REC8: variants seen among roughly 807,000 people sequenced by gnomAD.
REC8 encodes meiotic recombination protein REC8 homolog.
Under a neutral mutation model 78.3 loss-of-function variants are expected in REC8, and 42 were observed. That is an observed-to-expected ratio of 0.54 (90% CI 0.42 to 0.69). The LOEUF (loss-of-function observed/expected upper bound fraction) is 0.69. Among genes scored for constraint, REC8 ranks in the 30% least tolerant of loss-of-function variants. The probability of loss-of-function intolerance (pLI) is 0.00; values close to 1 mark genes in which losing one functional copy is unlikely to be tolerated. For missense variants in REC8, 581 were observed against 715.8 expected, an observed-to-expected ratio of 0.81 and a Z score of 2.15; for synonymous variants, 268 against 274.1, an observed-to-expected ratio of 0.98 and a Z score of 0.22.
rs376481576 is a variant in REC8, at chr14:24,175,673, G to C, written c.544+49G>C. ...TGGTGAGAGGCATAGGCAGGCCCAA[G>C]AGCTGTAGAAATGACCATTTTTGAG... On this transcript the variant is annotated intron_variant, in intron 6 of 18. Coordinates refer to ENST00000611366, the MANE Select transcript of REC8 (RefSeq NM_001048205.2). The C allele has an allele frequency of 2.9e-5, 43 of 1,475,522 alleles. No individual in the cohort carries two copies. The African/African-American group carries it at 5.4e-4, about 19-fold the overall frequency. 91.4% of individuals were successfully genotyped at this position (1,475,522 alleles called of 1,614,324 possible).
intron 14 of REC8, 60 bp from the exon 15 acceptor site, chr14:24,179,025 G>A (rs1490573818): frequency 6.2e-7 from 1 of 1,601,080 alleles, no homozygotes; most frequent in Non-Finnish European, 8.5e-7. Context: ...CTGGCCTTGT[G>A]CCTTCTGAGG....
chr14:24,179,750 T>A (rs990659547), intron 17 of REC8, 24 bp downstream of exon 17: 2 of 1,614,136 alleles, frequency 1.2e-6, no homozygotes, highest in Non-Finnish European at 1.7e-6. Context: ...GGCACCTTGA[T>A]GGGGTGGACC....
chr14:24,178,868 A>G lies in REC8; in HGVS notation c.1155A>G (p.Ala385=), dbSNP rs2039026482. 6.2e-7 allele frequency: 1 copy of G among 1,613,710 alleles called. No individual in the cohort carries two copies. ...KALRRELPEE[A]AAEEERRKIE... is the part of the protein sequence containing the mutation. ...TCAGGCGAGAGCTGCCTGAGGAGGC[A>G]GCCGCTGAGGAGGAAAGGAGAAAGA... Residue 385 remains alanine, a synonymous_variant, in exon 14 of 19, where the codon GCA becomes GCG. Coordinates refer to ENST00000611366, the MANE Select transcript of REC8 (RefSeq NM_001048205.2).
At chr14:24,180,336 G>A, downstream of REC8, 2 of 1,507,444 alleles carry the variant, frequency 1.3e-6, no homozygotes, top group Non-Finnish European at 1.8e-6. Context: ...GCTCCAAATG[G>A]GTATGAGTCT....
At chr14:24,178,005 T>C in intron 11 of REC8, 86 bp from the exon 12 acceptor site, 5 of 1,537,974 alleles carry the variant, frequency 3.3e-6, no homozygotes, top group Non-Finnish European at 3.5e-6. Flanking sequence ...TAGGGGCGGG[T>C]GTGGGGTCCT....
chr14:24,180,459 C>T (rs370925111), downstream of REC8: 147 of 1,611,950 alleles, frequency 9.1e-5, no homozygotes, highest in Middle Eastern at 3.3e-4. Flanking sequence ...AGGCCCAGTA[C>T]AGCCTGGAGC....
intron 10 of REC8, 84 bp downstream of exon 10, chr14:24,177,625 A>C: frequency 4.4e-6 from 7 of 1,575,078 alleles, no homozygotes; most frequent in Non-Finnish European, 6.0e-6. Flanking sequence ...CAACTTGCTA[A>C]AGGGAGGACC....
chr14:24,177,808 C>G (rs377654484), intron 11 of REC8, 50 bp downstream of exon 11: 60 of 1,514,772 alleles, frequency 4.0e-5, no homozygotes, highest in Non-Finnish European at 4.7e-5. Context: ...TGCCCTCCCC[C>G]ACAAGGACTG....
At chr14:24,178,245 C>G in intron 12 of REC8, 23 bp downstream of exon 12, 1 of 1,602,710 alleles carries the variant, frequency 6.2e-7, no homozygotes, top group Non-Finnish European at 8.5e-7. Context: ...CAGGCTTTGC[C>G]GGGGAAGGGA....
intron 6 of REC8, among the ~76,000 whole-genome samples, 161 bp from the exon 7 acceptor site, chr14:24,176,661 A>G (rs1171391962): frequency 6.6e-6 from 1 of 152,176 alleles, no homozygotes; most frequent in Non-Finnish European, 1.5e-5. Flanking sequence ...TGAGGCTCAC[A>G]GTGGTTAAGC....
intron 6 of REC8, 129 bp from the exon 7 acceptor site, chr14:24,176,693 C>A (rs528140990): frequency 2.0e-4 from 144 of 710,234 alleles, no homozygotes; most frequent in South Asian, 1.9e-3. Context: ...GGTCAGGATG[C>A]CAGAGATTAG....
downstream of REC8, chr14:24,180,713 G>A: frequency 6.2e-7 from 1 of 1,614,188 alleles, no homozygotes; most frequent in Non-Finnish European, 8.5e-7. Flanking sequence ...TTGTCAGCCA[G>A]AATGAGGCTG....
intron 12 of REC8, 33 bp from the exon 13 acceptor site, chr14:24,178,573 T>C (rs1566636069): frequency 5.0e-6 from 8 of 1,609,638 alleles, no homozygotes; most frequent in African/African-American, 2.7e-5. Context: ...GGCTGCTTTA[T>C]AATGGGGCTT....
Position 24,175,573 on chromosome 14 carries a change from G to A in REC8, c.493G>A (p.Glu165Lys). The change falls in exon 6 of 19, where the codon GAG (glutamate) becomes AAG (lysine). Residue 165 changes from glutamate (E) to lysine (K), a missense_variant. Coordinates refer to ENST00000611366, the MANE Select transcript of REC8 (RefSeq NM_001048205.2). ...IRHLLEAAIP[E>K]RVEEIPPEVP... is the part of the protein sequence containing the mutation. ...ACACCTCTTAGAGGCTGCAATCCCA[G>A]AGAGAGTTGAAGAGATCCCTCCTGA... The A allele has an allele frequency of 6.2e-7, 1 of 1,614,078 alleles. No homozygotes were observed.
At chr14:24,175,398 G>A (rs2038846572) in intron 5 of REC8, 145 bp from the exon 6 acceptor site, 4 of 648,260 alleles carry the variant, frequency 6.2e-6, no homozygotes, top group Non-Finnish European at 1.1e-5. Flanking sequence ...CAGAGGGCGG[G>A]TGAGTTTACT....
In REC8 at chr14:24,178,375, T is replaced by C. The variant is rs540467371; in HGVS notation, c.996+153T>C. On this transcript the variant is annotated intron_variant, in intron 12 of 18. Transcript: ENST00000611366. Reference sequence around the variant, plus strand: ...TCCATTCTCCAGAAAATGCAGGCGATGTGGGTTTGCACATATACAACTCTT... The same window carrying C: ...TCCATTCTCCAGAAAATGCAGGCGACGTGGGTTTGCACATATACAACTCTT... Among the ~76,000 whole-genome samples, 7 of 152,294 alleles carry C rather than the reference T, an allele frequency of 4.6e-5. No homozygotes were observed. In the East Asian group the frequency reaches 1.2e-3, roughly 25 times the overall value.
intron 4 of REC8, 39 bp downstream of exon 4, chr14:24,173,237 C>T: frequency 6.2e-7 from 1 of 1,614,114 alleles, no homozygotes; most frequent in Non-Finnish European, 8.5e-7. Flanking sequence ...CACCTGCTAG[C>T]TTGGCCTCAG....
chr14:24,178,158 A>G lies in REC8; in HGVS notation c.932A>G (p.Glu311Gly), dbSNP rs773044687. Residue 311 changes from glutamate (E) to glycine (G), a missense_variant, in exon 12 of 19, where the codon GAG (glutamate) becomes GGG (glycine). By Grantham distance (98) the Glu-to-Gly change is moderately conservative. Coordinates refer to ENST00000611366, the MANE Select transcript of REC8 (RefSeq NM_001048205.2). The stretch of plus-strand genomic sequence containing the variant: ...CGCCGGTTACTGTTCTGGGACAAGG[A>G]GACTCAGATCTCCCCGGAGAAATTC... ...RRRRLLFWDK[E>G]TQISPEKFQE... The G allele has an allele frequency of 1.2e-6, 2 of 1,614,026 alleles. No homozygotes were observed. The highest frequency in any genetic ancestry group is 1.7e-6 in the Non-Finnish European group (2 of 1,179,950).
At chr14:24,173,711 T>C (rs1460040418) in intron 5 of REC8, among the ~76,000 whole-genome samples, 5 of 152,228 alleles carry the variant, frequency 3.3e-5, no homozygotes, top group Non-Finnish European at 7.3e-5. Context: ...TGGGCTTTCT[T>C]ACCCCTGTCC....
Sources: gnomAD v4.1 joint callset for allele counts (sites outside exome capture counted in the v4.1 genomes callset) on GRCh38, gnomAD v4.1.1 for gene constraint, MANE v1.5 for transcripts, NCBI Gene and HGNC (gene_info 2026-07-23, HGNC 2026-07-21) for gene names.